HS3ST4: variants seen among roughly 807,000 people sequenced by gnomAD.
HS3ST4 encodes the protein heparan sulfate glucosamine 3-O-sulfotransferase 4.
HS3ST4 carries 17 observed loss-of-function variants against 29.2 expected under a neutral mutation model. That is an observed-to-expected ratio of 0.58 (90% CI 0.40 to 0.87). HS3ST4 has a LOEUF of 0.87. Among genes scored for constraint, HS3ST4 ranks in the 40% least tolerant of loss-of-function variants. The pLI is 0.00. For synonymous variants in HS3ST4, 314 were observed against 285.7 expected (o/e 1.10, Z -1.00); for missense variants, 627 against 634.5 (o/e 0.99, Z 0.13).
chr16:26,084,732 A>G (rs1277801639), intron 1 of HS3ST4, among the ~76,000 whole-genome samples: 1 of 152,126 alleles, frequency 6.6e-6, no homozygotes, highest in Admixed American at 6.5e-5. Context: ...CTACAGGCTC[A>G]CACCTCCATG....
chr16:26,094,655 A>T (rs980526257), intron 1 of HS3ST4, among the ~76,000 whole-genome samples: 2 of 152,226 alleles, frequency 1.3e-5, no homozygotes, highest in East Asian at 1.9e-4. Context: ...AGCCACTGCA[A>T]AAACATGCTA....
At chr16:25,938,699 G>A (rs1968542690) in intron 1 of HS3ST4, among the ~76,000 whole-genome samples, 1 of 152,016 alleles carries the variant, frequency 6.6e-6, no homozygotes. Context: ...CCTTGGCCTT[G>A]AACTCTCCTG....
At chr16:25,921,939 G>A (rs1430356391) in intron 1 of HS3ST4, among the ~76,000 whole-genome samples, 1 of 151,882 alleles carries the variant, frequency 6.6e-6, no homozygotes, top group African/African-American at 2.4e-5. Flanking sequence ...ATTTTTTGTA[G>A]AGATGGGGTT....
At chr16:25,778,127 T>C (rs899475115) in intron 1 of HS3ST4, among the ~76,000 whole-genome samples, 13 of 149,560 alleles carry the variant, frequency 8.7e-5, no homozygotes, top group Non-Finnish European at 1.5e-4. Flanking sequence ...TATACACACA[T>C]ACATACTAAA....
chr16:25,759,888 T>G (rs1353308312), intron 1 of HS3ST4, among the ~76,000 whole-genome samples: 3 of 151,936 alleles, frequency 2.0e-5, no homozygotes, highest in Admixed American at 2.0e-4. Context: ...AGACCCTGTC[T>G]TAAAAATAAT....
chr16:25,983,598 C>G (rs970130714), intron 1 of HS3ST4, among the ~76,000 whole-genome samples: 1 of 152,196 alleles, frequency 6.6e-6, no homozygotes, highest in Non-Finnish European at 1.5e-5. Flanking sequence ...TGTTATCATT[C>G]GTGGTGGATG....
intron 1 of HS3ST4, among the ~76,000 whole-genome samples, chr16:26,002,743 AAG>A (rs945546038): frequency 1.3e-5 from 2 of 150,954 alleles, no homozygotes; most frequent in African/African-American, 2.4e-5. Flanking sequence ...GAGAGAGGGA[AAG>A]AGAGAAAGAA....
Position 25,692,456 on chromosome 16 carries a change from G to C in HS3ST4, c.39G>C (p.Pro13=). The change falls in exon 1 of 2, where the codon CCG becomes CCC. Residue 13 remains proline, a synonymous_variant. Transcript: ENST00000331351. ...CCGCACCTCCTCCGCCTCCGCCTCC[G>C]CCTCCACCTCTGGCCGCGCCGCCGC... is the stretch of plus-strand genomic sequence containing the variant. The part of the protein sequence containing the change: ...RWPAPPPPPP[P]PPPLAAPPPP... The C allele has an allele frequency of 2.3e-6, 3 of 1,317,290 alleles. No homozygotes were observed. The South Asian group carries it at 5.2e-5, about 23-fold the overall frequency. The allele number at this position is 1,317,290 out of a possible 1,614,324, so 81.6% of individuals were successfully genotyped here. A position where few individuals can be genotyped will look rare whatever the true frequency, so the allele number is the denominator to read the frequency against.
At chr16:25,697,420 A>T (rs1379272166) in intron 1 of HS3ST4, among the ~76,000 whole-genome samples, 1 of 152,242 alleles carries the variant, frequency 6.6e-6, no homozygotes, top group African/African-American at 2.4e-5. Flanking sequence ...TGTAAGATAC[A>T]CAGAATACTA....
chr16:25,710,963 T>A (rs1428340807), intron 1 of HS3ST4, among the ~76,000 whole-genome samples: 1 of 151,486 alleles, frequency 6.6e-6, no homozygotes, highest in Non-Finnish European at 1.5e-5. Flanking sequence ...ACTACAGACA[T>A]GCACCACTAT....
intron 1 of HS3ST4, among the ~76,000 whole-genome samples, chr16:25,727,937 G>C (rs553420748): frequency 1.3e-5 from 2 of 152,294 alleles, no homozygotes; most frequent in South Asian, 4.1e-4. Flanking sequence ...GTTTGGCTTA[G>C]TGTGGAGGTC....
At chr16:25,694,909 T>G (rs1300255627) in intron 1 of HS3ST4, among the ~76,000 whole-genome samples, 2 of 117,246 alleles carry the variant, frequency 1.7e-5, no homozygotes, top group Admixed American at 2.0e-4. Context: ...GGTGTTTTAT[T>G]TGGGTGACTT....
chr16:26,134,649 G>A (rs909975212), intron 1 of HS3ST4, among the ~76,000 whole-genome samples: 8 of 152,068 alleles, frequency 5.3e-5, no homozygotes, highest in Admixed American at 5.2e-4. Context: ...TAGGTTTTAG[G>A]ATTTTACAAA....
Position 25,692,924 on chromosome 16 carries a change from G to A in HS3ST4, c.507G>A (p.Glu169=). The A allele has an allele frequency of 6.2e-7, 1 of 1,604,884 alleles. No homozygotes were observed. Among genetic ancestry groups the A allele is most frequent in the South Asian group, 1.1e-5 (1 of 89,590 alleles). The part of the protein sequence containing the change: ...REAQESSTTD[E]DLAGRRAANG... The stretch of plus-strand genomic sequence containing the variant: ...CGCAGGAGTCCAGCACCACCGACGA[G>A]GATCTCGCAGGCCGGAGAGCGGCCA... The change falls in exon 1 of 2, where the codon GAG becomes GAA. Residue 169 remains glutamate, a synonymous_variant. Coordinates refer to ENST00000331351, the MANE Select transcript of HS3ST4 (RefSeq NM_006040.3).
intron 1 of HS3ST4, among the ~76,000 whole-genome samples, chr16:26,031,132 G>A (rs2141753327): frequency 6.6e-6 from 1 of 152,280 alleles, no homozygotes; most frequent in South Asian, 2.1e-4. Context: ...GTAGCTGTGG[G>A]TCCAGCCAAA....
intron 1 of HS3ST4, among the ~76,000 whole-genome samples, chr16:25,877,347 A>T (rs1967842919): frequency 6.6e-6 from 1 of 152,158 alleles, no homozygotes; most frequent in Admixed American, 6.5e-5. Flanking sequence ...TGTACTTATG[A>T]GGAAAGGGAT....
intron 1 of HS3ST4, among the ~76,000 whole-genome samples, chr16:26,031,768 C>T (rs1433020883): frequency 6.7e-6 from 1 of 149,722 alleles, no homozygotes; most frequent in Non-Finnish European, 1.5e-5. Flanking sequence ...CATAAACAAT[C>T]ATGGTATTTC....
At chr16:25,730,404 C>T (rs1002360976) in intron 1 of HS3ST4, among the ~76,000 whole-genome samples, 3 of 145,260 alleles carry the variant, frequency 2.1e-5, no homozygotes, top group Admixed American at 6.8e-5. Flanking sequence ...TCCTTCTCTC[C>T]CTCTCTCCCT....
intron 1 of HS3ST4, among the ~76,000 whole-genome samples, chr16:25,960,374 A>G (rs1333497946): frequency 6.6e-6 from 1 of 152,226 alleles, no homozygotes; most frequent in Non-Finnish European, 1.5e-5. Context: ...AAAATGGACT[A>G]GTACAAGGTA....
Sources: allele counts gnomAD v4.1 joint callset (sites outside exome capture counted in the v4.1 genomes callset), GRCh38; gene constraint gnomAD v4.1.1; transcripts MANE v1.5; gene names NCBI Gene and HGNC (gene_info 2026-07-23, HGNC 2026-07-21).